Variants in SUSD1 observed in about 807,000 individuals in gnomAD.
SUSD1 encodes the protein sushi domain containing 1, also known as sushi domain-containing protein 1.
SUSD1 carries 65 observed loss-of-function variants against 86.9 expected under a neutral mutation model. The observed-to-expected ratio is 0.75, with a 90% CI of 0.61 to 0.92. The LOEUF is 0.92. Among genes scored for constraint, SUSD1 ranks in the 40% least tolerant of loss-of-function variants. The pLI is 0.00. For missense variants in SUSD1, 850 were observed against 929.7 expected (o/e 0.91, Z 1.11); for synonymous variants, 346 against 350.0 (o/e 0.99, Z 0.13).
intron 12 of SUSD1, among the ~76,000 whole-genome samples, chr9:112,070,255 C>T (rs1172563461): frequency 6.6e-6 from 1 of 152,190 alleles, no homozygotes; most frequent in Non-Finnish European, 1.5e-5. Context: ...ATTCCACCTG[C>T]CTCGGCCTCC....
chr9:112,053,538 A>AAAAAAAAACC (rs1828317938), intron 14 of SUSD1, among the ~76,000 whole-genome samples: 1 of 149,660 alleles, frequency 6.7e-6, no homozygotes, highest in African/African-American at 2.5e-5. Context: ...AAAAAAAAAA[A>AAAAAAAAACC]TCTGAGAAAA....
chr9:112,111,992 GTCT>G, intron 7 of SUSD1, 152 bp from the exon 8 acceptor site: 1 of 713,156 alleles, frequency 1.4e-6, no homozygotes, highest in Non-Finnish European at 2.3e-6. Flanking sequence ...TGCTGATAAA[GTCT>G]GATCAGCCCA....
intron 15 of SUSD1, among the ~76,000 whole-genome samples, chr9:112,050,693 A>G (rs1828151695): frequency 6.6e-6 from 1 of 152,202 alleles, no homozygotes; most frequent in South Asian, 2.1e-4. Flanking sequence ...CCACACGGAA[A>G]AGGTCCAGAT....
Position 112,053,836 on chromosome 9 carries a change from C to T in SUSD1, c.2110-1398G>A, listed in dbSNP as rs555209498. On this transcript the variant is annotated intron_variant, in intron 14 of 16. Transcript: ENST00000374270. ...CTGGCAGTGGTATGAAGCAAGGAGA[C>T]GGGTAGAATAAGAGACAGAAAGATG... Among the ~76,000 whole-genome samples, 9 of 151,998 alleles carry T rather than the reference C, an allele frequency of 5.9e-5. No individual in the cohort carries two copies. The East Asian group carries it at 7.7e-4, about 13-fold the overall frequency.
chr9:112,041,412 C>A lies in SUSD1; in HGVS notation c.*80G>T, dbSNP rs1827727893. 2.6e-6 allele frequency: 2 copies of A among 779,606 alleles called. No homozygotes were observed. Among genetic ancestry groups the A allele is most frequent in the East Asian group, 4.9e-5 (2 of 41,196 alleles). The allele number at this position is 779,606 out of a possible 1,614,324, so 48.3% of individuals were successfully genotyped here. ...CTCCCTGGACGGAAGTCACACGGAGCCTCTGTGCGGGCACCTGAGAAGCTG... is the reference window on the plus strand; with the variant it reads ...CTCCCTGGACGGAAGTCACACGGAGACTCTGTGCGGGCACCTGAGAAGCTG... On this transcript the variant is annotated 3_prime_UTR_variant, in exon 17 of 17. Coordinates refer to ENST00000374270, the MANE Select transcript of SUSD1 (RefSeq NM_022486.5).
At chr9:112,143,308 C>T (rs897300279) in intron 4 of SUSD1, among the ~76,000 whole-genome samples, 163 bp downstream of exon 4, 1 of 152,052 alleles carries the variant, frequency 6.6e-6, no homozygotes, top group Admixed American at 6.6e-5. Flanking sequence ...ACATGGCCCC[C>T]TGTAACTTGA....
chr9:112,131,711 C>T (rs1832042569), intron 5 of SUSD1, among the ~76,000 whole-genome samples: 1 of 152,140 alleles, frequency 6.6e-6, no homozygotes, highest in African/African-American at 2.4e-5. Flanking sequence ...GTTCATACCC[C>T]CAAGGAAGAA....
chr9:112,057,394 C>A (rs1331750207), intron 14 of SUSD1, among the ~76,000 whole-genome samples: 1 of 152,204 alleles, frequency 6.6e-6, no homozygotes, highest in Non-Finnish European at 1.5e-5. Context: ...AAATTGCACT[C>A]ATGTTGTACT....
At chr9:112,112,157 G>C (rs1831127054) in intron 7 of SUSD1, 1 of 242,050 alleles carries the variant, frequency 4.1e-6, no homozygotes, top group Non-Finnish European at 7.9e-6. Context: ...GGCTTGCTCT[G>C]GGGGAGTGAA....
At chr9:112,070,582 T>A (rs961413526) in intron 12 of SUSD1, among the ~76,000 whole-genome samples, 1 of 152,162 alleles carries the variant, frequency 6.6e-6, no homozygotes, top group Non-Finnish European at 1.5e-5. Flanking sequence ...GTGTGTGAGA[T>A]GGGAGAGGAA....
chr9:112,054,126 G>A (rs1275895348), intron 14 of SUSD1, among the ~76,000 whole-genome samples: 1 of 152,126 alleles, frequency 6.6e-6, no homozygotes, highest in Non-Finnish European at 1.5e-5. Flanking sequence ...CACACTCCCT[G>A]ATTTCAAAAT....
chr9:112,065,266 T>C (rs1336571885), intron 12 of SUSD1, among the ~76,000 whole-genome samples: 1 of 152,206 alleles, frequency 6.6e-6, no homozygotes, highest in Non-Finnish European at 1.5e-5. Context: ...CTCATGCCTG[T>C]AATCCCAGCA....
chr9:112,152,751 C>CTTTTTTTTTTTTTT (rs71382410), intron 2 of SUSD1, among the ~76,000 whole-genome samples: 6 of 87,478 alleles, frequency 6.9e-5, no homozygotes, highest in Admixed American at 1.6e-4. Flanking sequence ...TTTTTTTAAT[C>CTTTTTTTTTTTTTT]TTTTTTTTTT....
chr9:112,151,061 G>A (rs1833022931), intron 2 of SUSD1, among the ~76,000 whole-genome samples: 3 of 152,134 alleles, frequency 2.0e-5, no homozygotes, highest in African/African-American at 7.2e-5. Flanking sequence ...CAGCCTCCTG[G>A]GGCTAGGAGC....
intron 12 of SUSD1, among the ~76,000 whole-genome samples, chr9:112,077,433 G>A (rs180853237): frequency 1.1e-4 from 16 of 151,582 alleles, no homozygotes; most frequent in African/African-American, 3.9e-4. Context: ...GAAAATGAGT[G>A]GAAAGTGAAT....
chr9:112,152,531 T>G (rs1833099581), intron 2 of SUSD1, among the ~76,000 whole-genome samples: 1 of 148,228 alleles, frequency 6.7e-6, no homozygotes, highest in Non-Finnish European at 1.5e-5. Flanking sequence ...CCTCCCTGAG[T>G]AGCTAGGACC....
intron 12 of SUSD1, among the ~76,000 whole-genome samples, chr9:112,077,117 G>A (rs987305362): frequency 7.2e-5 from 11 of 152,008 alleles, no homozygotes; most frequent in East Asian, 3.9e-4. Flanking sequence ...CTTTCTTTTC[G>A]TTCACAAGGA....
chr9:112,175,063 G>A lies in SUSD1; in HGVS notation c.103+70C>T, dbSNP rs1208458002. 5.1e-6 allele frequency: 5 copies of A among 987,468 alleles called. No individual in the cohort carries two copies. In the African/African-American group the frequency reaches 7.0e-5, roughly 14 times the overall value. The allele number at this position is 987,468 out of a possible 1,614,324, so 61.2% of individuals were successfully genotyped here. On this transcript the variant is annotated intron_variant, in intron 1 of 16. Transcript: ENST00000374270. The surrounding 1 kb of genome is among the most constrained non-coding windows in gnomAD (Gnocchi z 4.7). ...GGCCCAGGGGCGGGGAAGCGTCCGT[G>A]CGCCCAGAGTCCTCGAGGCCCAGCC...
chr9:112,085,064 G>C (rs1012156087), intron 10 of SUSD1, among the ~76,000 whole-genome samples: 2 of 152,174 alleles, frequency 1.3e-5, no homozygotes, highest in Non-Finnish European at 2.9e-5. Context: ...CTTGAAGAGA[G>C]AGACATCTTC....
Sources: allele counts gnomAD v4.1 joint callset (sites outside exome capture counted in the v4.1 genomes callset), GRCh38; gene constraint gnomAD v4.1.1; non-coding constraint Gnocchi (gnomAD v3.1); transcripts MANE v1.5; gene names NCBI Gene and HGNC (gene_info 2026-07-23, HGNC 2026-07-21).